The following MECR variants were observed in gnomAD, a reference collection of about 807,000 sequenced individuals.
MECR encodes enoyl-[acyl-carrier-protein] reductase, mitochondrial.
In MECR, 37 loss-of-function variants were observed where a neutral mutation model predicts 49.1. The observed-to-expected ratio is 0.75, with a 90% CI of 0.58 to 0.99. MECR has a LOEUF of 0.99. Ranked by LOEUF, MECR falls within the 50% of genes least tolerant of loss-of-function variation. The probability of loss-of-function intolerance (pLI) is 0.00; values close to 1 mark genes in which losing one functional copy is unlikely to be tolerated. For missense variants in MECR, 470 were observed against 479.6 expected (o/e 0.98, Z 0.19); for synonymous variants, 198 against 191.1 (o/e 1.04, Z -0.30).
chr1:29,223,210 T>C, intron 1 of MECR: 1 of 985,266 alleles, frequency 1.0e-6, no homozygotes, highest in South Asian at 4.7e-5. Flanking sequence ...AATCAACAGA[T>C]CCCAGCCTGG....
chr1:29,205,906 C>A (rs534674022), intron 4 of MECR, among the ~76,000 whole-genome samples: 2 of 152,198 alleles, frequency 1.3e-5, no homozygotes, highest in Admixed American at 6.5e-5. Flanking sequence ...ACTCTCCCCA[C>A]TCCCCTTCAT....
At chr1:29,173,224 G>C in the MECR span, 8 of 135,224 alleles carry the variant, frequency 5.9e-5, 1 homozygote, top group South Asian at 7.2e-4. Context: ...TGCAAGCTCA[G>C]CCTCCCGGGT....
At chr1:29,181,668 G>A in the MECR span, 2 of 1,595,140 alleles carry the variant, frequency 1.3e-6, no homozygotes, top group Admixed American at 1.7e-5. Context: ...TCCACCTCCA[G>A]GATCTTCCCG....
Position 29,200,535 on chromosome 1 carries a change from C to G in MECR, c.811G>C (p.Glu271Gln). Residue 271 changes from glutamate to glutamine, a missense_variant, in exon 7 of 10, where the codon GAG (glutamate) becomes CAG (glutamine). Glu to Gln is a conservative substitution (Grantham distance 29). Transcript: ENST00000263702. ...ACTTACGCTAACTGCCGCAGCAGCT[C>G]TGTGGAGCTTTTCCCACCAACACAG... is the stretch of plus-strand genomic sequence containing the variant. ...LNCVGGKSST[E>Q]LLRQLARGGT... 5 of 1,613,796 alleles carry G rather than the reference C, an allele frequency of 3.1e-6. No homozygotes were observed. In the African/African-American group the frequency reaches 5.3e-5, roughly 17 times the overall value.
chr1:29,203,492 G>T (rs1675838758), intron 4 of MECR, among the ~76,000 whole-genome samples: 1 of 152,230 alleles, frequency 6.6e-6, no homozygotes, highest in Non-Finnish European at 1.5e-5. Context: ...ACCCTGCCCT[G>T]CTATGTAAAA....
At chr1:29,210,098 C>T (rs1186932545) in intron 3 of MECR, among the ~76,000 whole-genome samples, 2 of 151,750 alleles carry the variant, frequency 1.3e-5, no homozygotes, top group African/African-American at 2.4e-5. Flanking sequence ...GCAAGCTCTG[C>T]CTCCAAGGCT....
chr1:29,214,056 ACTTT>A (rs1243630850), intron 3 of MECR, among the ~76,000 whole-genome samples: 9 of 147,378 alleles, frequency 6.1e-5, no homozygotes, highest in South Asian at 2.1e-4. Flanking sequence ...CCACAAATCA[ACTTT>A]CTTTTTTTTT....
the MECR span, among the ~76,000 whole-genome samples, chr1:29,175,694 CAAAAAAAA>C: frequency 2.6e-5 from 1 of 38,604 alleles, no homozygotes; most frequent in Non-Finnish European, 4.1e-5. Flanking sequence ...GACGCTGTCT[CAAAAAAAA>C]AAAAAAAAAA....
Position 29,214,243 on chromosome 1 carries a change from A to G in MECR, c.406+1762T>C, listed in dbSNP as rs570994649. Among the ~76,000 whole-genome samples the G allele has an allele frequency of 1.3e-5, 2 of 151,200 alleles. 1 individual carries two copies. The highest frequency in any genetic ancestry group is 4.2e-4 in the South Asian group (2 of 4,790). On this transcript the variant is annotated intron_variant, in intron 3 of 9. Coordinates refer to ENST00000263702, the MANE Select transcript of MECR (RefSeq NM_016011.5). ...TGCCTGGCTAATTTTTTATTTTTAG[A>G]AGAGACGGGGTTTTACCATGTTGGC...
At chr1:29,211,180 T>C (rs1313666154) in intron 3 of MECR, among the ~76,000 whole-genome samples, 1 of 151,874 alleles carries the variant, frequency 6.6e-6, no homozygotes, top group Non-Finnish European at 1.5e-5. Flanking sequence ...GGTCTCGAGC[T>C]ATCCTTCCAT....
chr1:29,206,540 T>C (rs771739766), intron 4 of MECR, among the ~76,000 whole-genome samples: 14 of 152,206 alleles, frequency 9.2e-5, no homozygotes, highest in Non-Finnish European at 1.8e-4. Flanking sequence ...AATGTGACCC[T>C]GCAGCAGTTT....
chr1:29,190,798 TAAAAA>T (rs1196883134), downstream of MECR, among the ~76,000 whole-genome samples: 18 of 74,336 alleles, frequency 2.4e-4, no homozygotes, highest in Non-Finnish European at 4.1e-4. Flanking sequence ...TCTCTCCAAA[TAAAAA>T]AAAAAAAAAA....
intron 5 of MECR, 28 bp from the exon 6 acceptor site, chr1:29,202,073 A>T: frequency 1.9e-6 from 3 of 1,594,196 alleles, no homozygotes; most frequent in Non-Finnish European, 2.6e-6. Context: ...GTCCCTGGTC[A>T]CATCTGCCAG....
chr1:29,209,437 C>T (rs114397048), intron 3 of MECR, among the ~76,000 whole-genome samples: 1,671 of 152,066 alleles, frequency 0.011, 37 homozygotes, highest in African/African-American at 0.038. Context: ...TGAGATGATC[C>T]GATGTATGCT....
chr1:29,167,871 T>C, the MECR span, among the ~76,000 whole-genome samples: 1 of 152,210 alleles, frequency 6.6e-6, no homozygotes, highest in African/African-American at 2.4e-5. Flanking sequence ...GTATTATTAT[T>C]CTTCTCATTT....
the MECR span, among the ~76,000 whole-genome samples, chr1:29,177,521 A>T: frequency 6.6e-6 from 1 of 152,246 alleles, no homozygotes; most frequent in East Asian, 1.9e-4. Flanking sequence ...ACCTTGGGTG[A>T]TCTGCCTGCC....
intron 1 of MECR, among the ~76,000 whole-genome samples, chr1:29,229,646 T>C (rs2640467): frequency 0.3 from 45,759 of 152,170 alleles, 7,235 homozygotes; most frequent in Middle Eastern, 0.36. Flanking sequence ...GAGCACTACA[T>C]AGATCTTAGG....
chr1:29,193,861 G>A lies in MECR; in HGVS notation c.*161C>T, dbSNP rs1673322405. 2.5e-6 allele frequency: 2 copies of A among 789,386 alleles called. No homozygotes were observed. Among genetic ancestry groups the A allele is most frequent in the South Asian group, 1.7e-5 (1 of 57,474 alleles). The allele number at this position is 789,386 out of a possible 1,614,324, so 48.9% of individuals were successfully genotyped here. A position where few individuals can be genotyped will look rare whatever the true frequency, so the allele number is the denominator to read the frequency against. The stretch of plus-strand genomic sequence containing the variant: ...AGACTTTATTAGATACCTTAAGGCT[G>A]GCCCTGGGGAAAACCGTGGCTGGCT... On this transcript the variant is annotated 3_prime_UTR_variant, in exon 10 of 10. Transcript: ENST00000263702.
chr1:29,200,312 G>T, intron 7 of MECR: 1 of 445,028 alleles, frequency 2.2e-6, no homozygotes, highest in Non-Finnish European at 4.1e-6. Context: ...AGCTGGATAG[G>T]CCAAAATTTT....
Sources: allele counts gnomAD v4.1 joint callset (sites outside exome capture counted in the v4.1 genomes callset), GRCh38; gene constraint gnomAD v4.1.1; transcripts MANE v1.5; gene names NCBI Gene and HGNC (gene_info 2026-07-23, HGNC 2026-07-21).